MAF: variants seen among roughly 807,000 people sequenced by gnomAD.
The protein encoded by MAF is transcription factor Maf.
MAF carries 10 observed loss-of-function variants against 22.0 expected under a neutral mutation model. The ratio of observed to expected loss-of-function variants is 0.45; its 90% CI spans 0.28 to 0.77. MAF has a LOEUF of 0.77. Among genes scored for constraint, MAF ranks in the 30% least tolerant of loss-of-function variants. MAF has a pLI of 0.12. For synonymous variants in MAF, 337 were observed against 255.8 expected, an observed-to-expected ratio of 1.32 and a Z score of -3.03; for missense variants, 544 against 548.4, an observed-to-expected ratio of 0.99 and a Z score of 0.08.
chr16:79,312,490 G>A, the MAF span, among the ~76,000 whole-genome samples: 1 of 152,134 alleles, frequency 6.6e-6, no homozygotes, highest in Non-Finnish European at 1.5e-5. Context: ...TCTCTCCATT[G>A]GCTTCTCTGT....
the MAF span, among the ~76,000 whole-genome samples, chr16:79,437,886 C>G: frequency 1.4e-4 from 22 of 152,172 alleles, no homozygotes; most frequent in Non-Finnish European, 2.8e-4. Context: ...CCCCTTTCAC[C>G]TAGAGTGGGA....
chr16:79,404,838 C>T, the MAF span, among the ~76,000 whole-genome samples: 2 of 152,130 alleles, frequency 1.3e-5, no homozygotes, highest in African/African-American at 4.8e-5. Context: ...AGCAAGTCCC[C>T]AAATGTATTT....
the MAF span, among the ~76,000 whole-genome samples, chr16:79,491,555 G>T: frequency 2.0e-5 from 3 of 152,180 alleles, no homozygotes; most frequent in South Asian, 6.2e-4. Context: ...GTAGAACCTT[G>T]GTTTCTAAGT....
At chr16:79,595,851 T>C (rs559724598) in intron 1 of MAF, 14 of 1,058,718 alleles carry the variant, frequency 1.3e-5, no homozygotes, top group African/African-American at 6.6e-5. Context: ...AAACCAGATA[T>C]GTACTTGGAA....
chr16:79,573,486 T>C, the MAF span, among the ~76,000 whole-genome samples: 1 of 152,218 alleles, frequency 6.6e-6, no homozygotes, highest in African/African-American at 2.4e-5. Context: ...TCTTCCCCCA[T>C]ATCTTCTGGA....
At chr16:79,357,253 C>CAACA in the MAF span, among the ~76,000 whole-genome samples, 50 of 146,082 alleles carry the variant, frequency 3.4e-4, 1 homozygote, top group Admixed American at 8.2e-4. Context: ...AAGACTCTGT[C>CAACA]ACAACAACAA....
the MAF span, among the ~76,000 whole-genome samples, chr16:79,423,893 G>A: frequency 6.6e-6 from 1 of 152,144 alleles, no homozygotes; most frequent in African/African-American, 2.4e-5. Context: ...AAACAGTCAT[G>A]TCTTCAGGTT....
chr16:79,476,931 A>G, the MAF span, among the ~76,000 whole-genome samples: 1 of 152,104 alleles, frequency 6.6e-6, no homozygotes, highest in African/African-American at 2.4e-5. Context: ...GAGTCGCGTT[A>G]TCATCCACGG....
chr16:79,496,521 C>T, the MAF span, among the ~76,000 whole-genome samples: 48 of 152,320 alleles, frequency 3.2e-4, no homozygotes, highest in East Asian at 7.7e-3. Flanking sequence ...ACAGCTGCTA[C>T]TAGAAATTCC....
the MAF span, among the ~76,000 whole-genome samples, chr16:79,207,299 C>T: frequency 6.6e-6 from 1 of 152,226 alleles, no homozygotes; most frequent in African/African-American, 2.4e-5. Flanking sequence ...AGATGAGTAA[C>T]AATGGAAGTA....
At chr16:79,389,485 C>A in the MAF span, among the ~76,000 whole-genome samples, 1 of 152,204 alleles carries the variant, frequency 6.6e-6, no homozygotes, top group Non-Finnish European at 1.5e-5. Context: ...TGGTCTTGAA[C>A]TCCTGACCTC....
the MAF span, among the ~76,000 whole-genome samples, chr16:79,570,794 T>G: frequency 6.6e-6 from 1 of 152,208 alleles, no homozygotes; most frequent in Non-Finnish European, 1.5e-5. Context: ...AGCCCATGCC[T>G]ATGGGCATAC....
chr16:79,376,571 C>T, the MAF span, among the ~76,000 whole-genome samples: 2 of 151,962 alleles, frequency 1.3e-5, no homozygotes, highest in Non-Finnish European at 2.9e-5. Flanking sequence ...TACATGTGCA[C>T]GACGTGCAGG....
the MAF span, among the ~76,000 whole-genome samples, chr16:79,575,072 G>T: frequency 2.7e-5 from 4 of 150,642 alleles, no homozygotes; most frequent in South Asian, 6.3e-4. Context: ...GGCCACTAAA[G>T]GTTCTTGATT....
At chr16:79,556,010 T>G in the MAF span, among the ~76,000 whole-genome samples, 1 of 99,120 alleles carries the variant, frequency 1.0e-5, no homozygotes, top group African/African-American at 2.9e-5. Context: ...TAGTTTGTTT[T>G]GTTAGTTTAG....
At chr16:79,233,311 G>A in the MAF span, among the ~76,000 whole-genome samples, 2 of 152,006 alleles carry the variant, frequency 1.3e-5, no homozygotes, top group African/African-American at 4.8e-5. Flanking sequence ...ATGCAGAGAT[G>A]AAAATGTGCT....
At chr16:79,235,106 G>A in the MAF span, among the ~76,000 whole-genome samples, 3 of 152,078 alleles carry the variant, frequency 2.0e-5, 1 homozygote, top group Non-Finnish European at 4.4e-5. Context: ...GCTGCTTTAA[G>A]CCAGTACCAT....
downstream of MAF, among the ~76,000 whole-genome samples, chr16:79,584,337 G>C (rs1228160844): frequency 6.6e-6 from 1 of 152,064 alleles, no homozygotes; most frequent in Non-Finnish European, 1.5e-5. Context: ...ACCAAGTATT[G>C]AACTTTTCAT....
chr16:79,430,061 C>A, the MAF span, among the ~76,000 whole-genome samples: 1 of 152,230 alleles, frequency 6.6e-6, no homozygotes, highest in South Asian at 2.1e-4. Context: ...GGCCAGGCAT[C>A]CACCCCGGGG....
Sources: gnomAD v4.1 joint callset for allele counts (sites outside exome capture counted in the v4.1 genomes callset) on GRCh38, gnomAD v4.1.1 for gene constraint, MANE v1.5 for transcripts, NCBI Gene and HGNC (gene_info 2026-07-23, HGNC 2026-07-21) for gene names.